Variants in ROR1 observed in about 807,000 individuals in gnomAD.
ROR1 encodes the protein inactive tyrosine-protein kinase transmembrane receptor ROR1.
A neutral mutation model predicts 78.8 loss-of-function variants in ROR1; 19 were observed. The observed-to-expected ratio is 0.24, with a 90% confidence interval of 0.17 to 0.35. The LOEUF (loss-of-function observed/expected upper bound fraction) is 0.35. Among genes scored for constraint, ROR1 ranks in the 10% least tolerant of loss-of-function variants. The probability of loss-of-function intolerance (pLI) is 1.00; values close to 1 mark genes in which losing one functional copy is unlikely to be tolerated. For missense variants in ROR1, 917 were observed against 1,177.8 expected (o/e 0.78, Z 3.24); for synonymous variants, 386 against 433.6 (o/e 0.89, Z 1.36).
intron 1 of ROR1, among the ~76,000 whole-genome samples, chr1:63,827,253 G>A (rs1032663332): frequency 3.9e-5 from 6 of 152,208 alleles, no homozygotes; most frequent in South Asian, 4.2e-4. Context: ...TTACTCTGTC[G>A]TAGTTTCTTT....
At chr1:63,795,104 G>A (rs1268405422) in intron 1 of ROR1, among the ~76,000 whole-genome samples, 1 of 152,140 alleles carries the variant, frequency 6.6e-6, no homozygotes, top group Non-Finnish European at 1.5e-5. Flanking sequence ...TGGTTGGGAG[G>A]GCAGGTTCAG....
chr1:63,974,234 T>C (rs557065923), intron 1 of ROR1, among the ~76,000 whole-genome samples: 1 of 152,356 alleles, frequency 6.6e-6, no homozygotes, highest in East Asian at 1.9e-4. Context: ...AATTAAATTC[T>C]TACTAGCTGT....
chr1:63,912,353 T>A (rs1645578256), intron 1 of ROR1, among the ~76,000 whole-genome samples: 1 of 150,706 alleles, frequency 6.6e-6, no homozygotes, highest in African/African-American at 2.4e-5. Context: ...ACTCTCAGGG[T>A]TTCATACTCT....
At chr1:63,957,834 C>T (rs191613532) in intron 1 of ROR1, among the ~76,000 whole-genome samples, 7 of 151,948 alleles carry the variant, frequency 4.6e-5, no homozygotes, top group East Asian at 1.9e-4. Context: ...CTTCCGCCTC[C>T]GGGGTTCAAA....
chr1:63,879,662 T>C (rs1377794987), intron 1 of ROR1, among the ~76,000 whole-genome samples: 1 of 152,168 alleles, frequency 6.6e-6, no homozygotes, highest in African/African-American at 2.4e-5. Flanking sequence ...GAGAGTCTTA[T>C]AGTGAAGAGA....
chr1:64,056,188 C>T (rs1192720270), intron 4 of ROR1, among the ~76,000 whole-genome samples: 1 of 151,956 alleles, frequency 6.6e-6, no homozygotes, highest in Non-Finnish European at 1.5e-5. Context: ...TGGGTATATA[C>T]CTAGAAATAG....
intron 8 of ROR1, among the ~76,000 whole-genome samples, chr1:64,161,518 C>G (rs1206768647): frequency 6.6e-6 from 1 of 152,216 alleles, no homozygotes; most frequent in Non-Finnish European, 1.5e-5. Flanking sequence ...GTAGCCCTAG[C>G]CCTGCCAGGG....
intron 7 of ROR1, among the ~76,000 whole-genome samples, chr1:64,148,886 C>T (rs1446156549): frequency 6.6e-6 from 1 of 151,904 alleles, no homozygotes; most frequent in South Asian, 2.1e-4. Context: ...ATTAGAATTA[C>T]TAATTATTTA....
At chr1:63,876,091 T>C (rs1319241262) in intron 1 of ROR1, among the ~76,000 whole-genome samples, 1 of 152,184 alleles carries the variant, frequency 6.6e-6, no homozygotes, top group Non-Finnish European at 1.5e-5. Context: ...TTAAAGCCAG[T>C]TAAATAGAGG....
intron 8 of ROR1, among the ~76,000 whole-genome samples, chr1:64,175,024 AT>A (rs1650341121): frequency 2.0e-5 from 3 of 150,890 alleles, no homozygotes; most frequent in African/African-American, 7.3e-5. Context: ...TTTTAAAAAA[AT>A]AGTTATTTAA....
At chr1:64,101,025 C>CA (rs1647514831) in intron 4 of ROR1, among the ~76,000 whole-genome samples, 1 of 152,074 alleles carries the variant, frequency 6.6e-6, no homozygotes, top group African/African-American at 2.4e-5. Context: ...CATTCTTTTA[C>CA]AAAAATAAAA....
Position 64,177,726 on chromosome 1 carries a change from A to G in ROR1, c.1685A>G (p.Glu562Gly). 1 of 1,614,184 alleles carries G rather than the reference A, an allele frequency of 6.2e-7. No homozygotes were observed. The highest frequency in any genetic ancestry group is 8.5e-7 in the Non-Finnish European group (1 of 1,180,036). ...TATATTAATCAGGGGGATCTCCATGAGTTCCTCATCATGAGATCCCCACAC... is the reference window on the plus strand; with the variant it reads ...TATATTAATCAGGGGGATCTCCATGGGTTCCTCATCATGAGATCCCCACAC... ...FEYINQGDLH[E>G]FLIMRSPHSD... Residue 562 changes from glutamate (E) to glycine (G), a missense_variant, in exon 9 of 9, where the codon GAG becomes GGG. Physicochemically the swap from Glu to Gly is moderately conservative, Grantham distance 98. Transcript: ENST00000371079.
intron 2 of ROR1, among the ~76,000 whole-genome samples, chr1:64,039,983 G>A (rs899159194): frequency 5.9e-5 from 9 of 152,106 alleles, no homozygotes; most frequent in Non-Finnish European, 8.8e-5. Flanking sequence ...TTTTAAGTTA[G>A]GCCCTTACTA....
At chr1:64,134,258 A>G (rs2100702780) in intron 4 of ROR1, among the ~76,000 whole-genome samples, 1 of 152,282 alleles carries the variant, frequency 6.6e-6, no homozygotes, top group Admixed American at 6.5e-5. Context: ...CTGTTTTGTA[A>G]GTATATAAAA....
At chr1:64,039,188 G>A (rs1646726215) in intron 2 of ROR1, among the ~76,000 whole-genome samples, 1 of 152,188 alleles carries the variant, frequency 6.6e-6, no homozygotes, top group Non-Finnish European at 1.5e-5. Context: ...ATAATGAATG[G>A]AGAAAGGGAG....
chr1:63,853,972 T>A (rs1201914359), intron 1 of ROR1, among the ~76,000 whole-genome samples: 1 of 152,178 alleles, frequency 6.6e-6, no homozygotes, highest in East Asian at 1.9e-4. Flanking sequence ...GAATTTTAAC[T>A]AATGCTGCTG....
intron 1 of ROR1, among the ~76,000 whole-genome samples, chr1:63,859,766 C>T (rs1018167486): frequency 1.3e-5 from 2 of 152,130 alleles, no homozygotes; most frequent in African/African-American, 4.8e-5. Context: ...GCAAAGGCTT[C>T]AGTGTTGGAT....
chr1:63,863,804 T>A (rs582212), intron 1 of ROR1, among the ~76,000 whole-genome samples: 3,514 of 120,890 alleles, frequency 0.029, 321 homozygotes, highest in African/African-American at 0.11. Context: ...TTGTATTGTA[T>A]CATAGATGGC....
At chr1:64,017,431 G>T (rs965203842) in intron 2 of ROR1, among the ~76,000 whole-genome samples, 8 of 152,130 alleles carry the variant, frequency 5.3e-5, no homozygotes, top group Non-Finnish European at 1.0e-4. Context: ...TTTAGGGAAA[G>T]GCATTGGCAA....
Sources: gnomAD v4.1 joint callset for allele counts (sites outside exome capture counted in the v4.1 genomes callset) on GRCh38, gnomAD v4.1.1 for gene constraint, MANE v1.5 for transcripts, NCBI Gene and HGNC (gene_info 2026-07-23, HGNC 2026-07-21) for gene names.